The following WDPCP variants were observed in gnomAD, a reference collection of about 807,000 sequenced individuals.
WDPCP encodes the protein WD repeat-containing and planar cell polarity effector protein fritz homolog.
WDPCP carries 71 observed loss-of-function variants against 93.1 expected under a neutral mutation model. The ratio of observed to expected loss-of-function variants is 0.76; its 90% CI spans 0.63 to 0.93. The LOEUF is 0.93. Among genes scored for constraint, WDPCP ranks in the 40% least tolerant of loss-of-function variants. WDPCP has a pLI of 0.00. For missense variants in WDPCP, 844 were observed against 887.4 expected (o/e 0.95, Z 0.62); for synonymous variants, 315 against 315.0 (o/e 1.00, Z 0.00).
intron 17 of WDPCP, among the ~76,000 whole-genome samples, chr2:63,151,559 TA>T (rs925013266): frequency 5.9e-5 from 9 of 152,174 alleles, no homozygotes; most frequent in Non-Finnish European, 1.2e-4. Flanking sequence ...ACAAGTATTC[TA>T]AAAAAATAAG....
At chr2:63,315,372 G>A (rs1400686) in intron 12 of WDPCP, among the ~76,000 whole-genome samples, 121,884 of 152,128 alleles carry the variant, frequency 0.8, 49,693 homozygotes, top group East Asian at 0.96. Flanking sequence ...AGAGACCCAG[G>A]TTAGTAGTGC....
At chr2:63,561,860 TCAAGAAACAA>T (rs1706654396) in intron 1 of WDPCP, among the ~76,000 whole-genome samples, 1 of 152,094 alleles carries the variant, frequency 6.6e-6, no homozygotes, top group Non-Finnish European at 1.5e-5. Flanking sequence ...AATTAAAAAG[TCAAGAAACAA>T]CAGATGCTGG....
intron 2 of WDPCP, among the ~76,000 whole-genome samples, chr2:63,718,798 T>C (rs1448510552): frequency 2.0e-5 from 3 of 152,044 alleles, no homozygotes; most frequent in Admixed American, 2.0e-4. Context: ...TACAGAAAGG[T>C]TGAAAAACAA....
At position 63,337,184 on chromosome 2, in the gene WDPCP, G is replaced by A. The variant is rs138267807; in HGVS notation, c.1749-23873C>T. On this transcript the variant is annotated intron_variant, in intron 12 of 17. Coordinates refer to ENST00000272321, the MANE Select transcript of WDPCP (RefSeq NM_015910.7). ...TGGGATTACAGGCGTGAGCCACTGC[G>A]CACGGCCCATGAGAGTCACTTTTTA... Among the ~76,000 whole-genome samples the A allele has an allele frequency of 2.0e-3, 302 of 152,186 alleles. 1 individual carries two copies. The highest frequency in any genetic ancestry group is 6.2e-3 in the African/African-American group (259 of 41,520).
At chr2:63,375,454 C>G (rs1487651620) in intron 12 of WDPCP, among the ~76,000 whole-genome samples, 1 of 151,816 alleles carries the variant, frequency 6.6e-6, no homozygotes, top group Non-Finnish European at 1.5e-5. Context: ...CAAGACTGTG[C>G]TTCTACTGTT....
At chr2:63,182,126 T>C (rs189352503) in intron 14 of WDPCP, among the ~76,000 whole-genome samples, 54 of 152,228 alleles carry the variant, frequency 3.5e-4, no homozygotes, top group Non-Finnish European at 6.3e-4. Context: ...TTTTCCAAAT[T>C]TGGATGCCTT....
rs528325449 is a variant in WDPCP, at chr2:63,507,729, G to C, written c.76-14789C>G. The stretch of plus-strand genomic sequence containing the variant: ...TGCTAACTAGAATAACCAGTTTAGA[G>C]AAGAACATAAATGACCTGATGGAGC... On this transcript the variant is annotated intron_variant, in intron 1 of 17. Coordinates refer to ENST00000272321, the MANE Select transcript of WDPCP (RefSeq NM_015910.7). Among the ~76,000 whole-genome samples, 3 of 152,156 alleles carry C rather than the reference G, an allele frequency of 2.0e-5. No individual in the cohort carries two copies. The South Asian group carries it at 6.2e-4, about 32-fold the overall frequency.
At chr2:63,686,376 T>C (rs1181730798) in intron 2 of WDPCP, among the ~76,000 whole-genome samples, 2 of 152,068 alleles carry the variant, frequency 1.3e-5, no homozygotes, top group East Asian at 1.9e-4. Flanking sequence ...ACAAATTTAC[T>C]TAACCAAAAA....
At chr2:63,235,465 A>G (rs993049889) in intron 14 of WDPCP, among the ~76,000 whole-genome samples, 3 of 152,318 alleles carry the variant, frequency 2.0e-5, no homozygotes, top group African/African-American at 7.2e-5. Context: ...TCCAGAAATT[A>G]AGTAGAAGGC....
intron 14 of WDPCP, among the ~76,000 whole-genome samples, chr2:63,230,855 T>C (rs1323002584): frequency 6.6e-6 from 1 of 152,176 alleles, no homozygotes; most frequent in African/African-American, 2.4e-5. Flanking sequence ...ATGGGTAGAT[T>C]GCAAAAATTT....
At chr2:63,561,154 C>T (rs1706581035) in intron 1 of WDPCP, among the ~76,000 whole-genome samples, 1 of 152,092 alleles carries the variant, frequency 6.6e-6, no homozygotes, top group Non-Finnish European at 1.5e-5. Flanking sequence ...AGGACATAGG[C>T]ATGGACAAAG....
At chr2:63,585,997 T>C (rs2106568635) in intron 1 of WDPCP, among the ~76,000 whole-genome samples, 1 of 152,192 alleles carries the variant, frequency 6.6e-6, no homozygotes, top group Middle Eastern at 3.4e-3. Context: ...CAGCTAATTT[T>C]TTAAAAATTT....
At chr2:63,493,727 T>C (rs938840425) in intron 1 of WDPCP, among the ~76,000 whole-genome samples, 4 of 152,054 alleles carry the variant, frequency 2.6e-5, no homozygotes, top group Non-Finnish European at 4.4e-5. Flanking sequence ...TTACAAAAGT[T>C]TGAAAGGAAT....
intron 1 of WDPCP, among the ~76,000 whole-genome samples, chr2:63,549,247 C>CAAA (rs60864094): frequency 1.5e-4 from 13 of 87,638 alleles, no homozygotes; most frequent in South Asian, 4.2e-4. Context: ...GAGACTGTCT[C>CAAA]AAAAAAAAAA....
chr2:63,389,465 T>A (rs890922361), intron 10 of WDPCP, among the ~76,000 whole-genome samples: 1 of 152,056 alleles, frequency 6.6e-6, no homozygotes, highest in African/African-American at 2.4e-5. Context: ...ATAAAGACCA[T>A]CCATGCTATG....
intron 1 of WDPCP, among the ~76,000 whole-genome samples, chr2:63,574,757 G>A (rs1707795901): frequency 6.6e-6 from 1 of 152,148 alleles, no homozygotes; most frequent in Non-Finnish European, 1.5e-5. Context: ...CCATTTGTCT[G>A]TCATTGACTA....
chr2:63,743,542 A>G (rs1474442469), intron 2 of WDPCP, among the ~76,000 whole-genome samples: 2 of 152,134 alleles, frequency 1.3e-5, no homozygotes, highest in African/African-American at 4.8e-5. Context: ...GGTTTTTAGA[A>G]AATTATTTTG....
At chr2:63,189,657 C>T (rs1674892119) in intron 14 of WDPCP, among the ~76,000 whole-genome samples, 1 of 152,118 alleles carries the variant, frequency 6.6e-6, no homozygotes, top group Non-Finnish European at 1.5e-5. Context: ...TTATTCTCAC[C>T]TTGAGTCCTT....
intron 14 of WDPCP, among the ~76,000 whole-genome samples, chr2:63,250,277 G>A (rs2104707723): frequency 6.6e-6 from 1 of 152,222 alleles, no homozygotes; most frequent in East Asian, 1.9e-4. Context: ...ACTGGACAAA[G>A]GGATTCACAT....
Sources: gnomAD v4.1 joint callset for allele counts (sites outside exome capture counted in the v4.1 genomes callset) on GRCh38, gnomAD v4.1.1 for gene constraint, MANE v1.5 for transcripts, NCBI Gene and HGNC (gene_info 2026-07-23, HGNC 2026-07-21) for gene names.